Variants in LOC128125817 observed in about 807,000 individuals in gnomAD.
chr1:41,587,463 A>C, the LOC128125817 span, among the ~76,000 whole-genome samples: 2 of 152,188 alleles, frequency 1.3e-5, no homozygotes, highest in Non-Finnish European at 2.9e-5. Context: ...ATGAAATGGG[A>C]ACTACTAACA....
the LOC128125817 span, among the ~76,000 whole-genome samples, chr1:41,588,729 A>G: frequency 6.6e-6 from 1 of 152,148 alleles, no homozygotes; most frequent in Non-Finnish European, 1.5e-5. Flanking sequence ...CAGGGCGCAG[A>G]GTGAGCGAGG....
At chr1:41,610,128 CA>C in the LOC128125817 span, among the ~76,000 whole-genome samples, 1 of 152,220 alleles carries the variant, frequency 6.6e-6, no homozygotes, top group Admixed American at 6.5e-5. Context: ...AAAGCCTCCA[CA>C]ACTGCATGAG....
At chr1:41,602,016 C>T in the LOC128125817 span, among the ~76,000 whole-genome samples, 2 of 151,740 alleles carry the variant, frequency 1.3e-5, no homozygotes, top group African/African-American at 4.8e-5. Flanking sequence ...GATTTTAAGT[C>T]TTTATTCTGA....
chr1:41,614,060 C>G, the LOC128125817 span, among the ~76,000 whole-genome samples: 1 of 152,204 alleles, frequency 6.6e-6, no homozygotes, highest in African/African-American at 2.4e-5. Context: ...GAGCTGGCCG[C>G]TCTGAGCCAT....
At chr1:41,618,358 T>A in the LOC128125817 span, among the ~76,000 whole-genome samples, 1 of 152,168 alleles carries the variant, frequency 6.6e-6, no homozygotes. Flanking sequence ...AGCATGTCCA[T>A]CTGAAAATGC....
chr1:41,596,787 C>T, the LOC128125817 span, among the ~76,000 whole-genome samples: 1 of 152,132 alleles, frequency 6.6e-6, no homozygotes, highest in East Asian at 1.9e-4. Flanking sequence ...ATCCAGGAAA[C>T]CCCCAAGGGC....
chr1:41,622,700 G>A, the LOC128125817 span, among the ~76,000 whole-genome samples: 4 of 152,200 alleles, frequency 2.6e-5, no homozygotes, highest in Non-Finnish European at 5.9e-5. Flanking sequence ...ATTTTAAGCA[G>A]CAGATAGCAG....
At chr1:41,592,584 C>T in the LOC128125817 span, among the ~76,000 whole-genome samples, 8 of 152,182 alleles carry the variant, frequency 5.3e-5, no homozygotes, top group South Asian at 2.1e-4. Flanking sequence ...CAACCCTCCC[C>T]GTGGGACTGA....
the LOC128125817 span, among the ~76,000 whole-genome samples, chr1:41,600,270 T>G: frequency 6.6e-6 from 1 of 152,224 alleles, no homozygotes; most frequent in Non-Finnish European, 1.5e-5. Context: ...TGTACATCTA[T>G]GTTCATAGCG....
At chr1:41,614,310 G>A in the LOC128125817 span, among the ~76,000 whole-genome samples, 780 of 152,366 alleles carry the variant, frequency 5.1e-3, 4 homozygotes, top group African/African-American at 0.018. Flanking sequence ...TAAAGGCTCT[G>A]AGTCTGCAGG....
chr1:41,598,934 G>A, the LOC128125817 span, among the ~76,000 whole-genome samples: 3 of 151,944 alleles, frequency 2.0e-5, no homozygotes, highest in Non-Finnish European at 4.4e-5. Flanking sequence ...TCCCACCTCA[G>A]CCTCCCAAGC....
chr1:41,617,176 A>G, the LOC128125817 span, among the ~76,000 whole-genome samples: 1 of 152,176 alleles, frequency 6.6e-6, no homozygotes, highest in Non-Finnish European at 1.5e-5. Context: ...TTAAGTTTGT[A>G]TATTTTTTGT....
chr1:41,595,349 G>A, the LOC128125817 span, among the ~76,000 whole-genome samples: 10 of 152,262 alleles, frequency 6.6e-5, no homozygotes, highest in African/African-American at 2.2e-4. Context: ...AGCCATTGGC[G>A]TTTCAGTCCT....
chr1:41,628,298 C>G, the LOC128125817 span, among the ~76,000 whole-genome samples: 1 of 152,196 alleles, frequency 6.6e-6, no homozygotes, highest in East Asian at 1.9e-4. Context: ...TCCCGTGGTG[C>G]TCCTCTGACT....
chr1:41,605,400 CACACACAT>C, the LOC128125817 span, among the ~76,000 whole-genome samples: 46 of 152,002 alleles, frequency 3.0e-4, no homozygotes, highest in African/African-American at 9.4e-4. Flanking sequence ...CACACACACA[CACACACAT>C]ACATATGTTA....
chr1:41,614,802 T>TTAGC, the LOC128125817 span, among the ~76,000 whole-genome samples: 1 of 152,200 alleles, frequency 6.6e-6, no homozygotes, highest in Non-Finnish European at 1.5e-5. Flanking sequence ...GGCAACACAG[T>TTAGC]TAGCTGCACA....
chr1:41,591,288 C>T, the LOC128125817 span, among the ~76,000 whole-genome samples: 1 of 151,982 alleles, frequency 6.6e-6, no homozygotes, highest in Non-Finnish European at 1.5e-5. Context: ...CAAAGCAGGG[C>T]CCCCACAGAA....
the LOC128125817 span, among the ~76,000 whole-genome samples, chr1:41,597,542 C>G: frequency 1.3e-5 from 2 of 152,144 alleles, no homozygotes; most frequent in Non-Finnish European, 2.9e-5. Context: ...TATTATCATT[C>G]CCATTTTACA....
chr1:41,606,182 C>T, the LOC128125817 span, among the ~76,000 whole-genome samples: 1 of 151,922 alleles, frequency 6.6e-6, no homozygotes, highest in Non-Finnish European at 1.5e-5. Flanking sequence ...CCCCATCTCA[C>T]AATTTTTGGT....
Sources: gnomAD v4.1 joint callset for allele counts (sites outside exome capture counted in the v4.1 genomes callset) on GRCh38, gnomAD v4.1.1 for gene constraint, MANE v1.5 for transcripts.